Variants in RASIP1 observed in about 807,000 individuals in gnomAD.
RASIP1 encodes ras-interacting protein 1.
Under a neutral mutation model 85.3 loss-of-function variants are expected in RASIP1, and 20 were observed. The ratio of observed to expected loss-of-function variants is 0.23; its 90% CI spans 0.17 to 0.34. The LOEUF is 0.34. Among genes scored for constraint, RASIP1 ranks in the 10% least tolerant of loss-of-function variants. The pLI, the probability that RASIP1 is intolerant of heterozygous loss-of-function variation, is 1.00. For missense variants in RASIP1, 1,170 were observed against 1,390.9 expected, an observed-to-expected ratio of 0.84 and a Z score of 2.53; for synonymous variants, 617 against 647.1, an observed-to-expected ratio of 0.95 and a Z score of 0.71.
intron 6 of RASIP1, 64 bp from the exon 7 acceptor site, chr19:48,727,222 G>C: frequency 6.3e-7 from 1 of 1,597,702 alleles, no homozygotes; most frequent in Non-Finnish European, 8.6e-7. Flanking sequence ...CAAACCCCAA[G>C]ATCTAAGTCT....
chr19:48,724,280 C>T lies in RASIP1; in HGVS notation c.2544+57G>A. 1 of 1,553,510 alleles carries T rather than the reference C, an allele frequency of 6.4e-7. No individual in the cohort carries two copies. The highest frequency in any genetic ancestry group is 8.8e-7 in the Non-Finnish European group (1 of 1,138,532). On this transcript the variant is annotated intron_variant, in intron 10 of 11. Transcript: ENST00000222145. The surrounding 1 kb of genome is among the most constrained non-coding windows in gnomAD (Gnocchi z 4.6). The stretch of plus-strand genomic sequence containing the variant: ...ACGGTGAGCTGAATATAGAAGGTGG[C>T]TGAGGGGGGTTGAGGAGTCAGAGGT...
chr19:48,722,104 G>A, intron 10 of RASIP1, 103 bp from the exon 11 acceptor site: 2 of 1,174,752 alleles, frequency 1.7e-6, no homozygotes, highest in Non-Finnish European at 2.3e-6. Context: ...GGAAGATAAT[G>A]GCATCTCTGC....
At chr19:48,736,415 A>G (rs1394611656) in intron 3 of RASIP1, among the ~76,000 whole-genome samples, 1 of 152,078 alleles carries the variant, frequency 6.6e-6, no homozygotes, top group Non-Finnish European at 1.5e-5. Flanking sequence ...AAAACAAAAC[A>G]AAACAAAACA....
In RASIP1 at chr19:48,721,068, G is replaced by A. The variant is rs1402729745; in HGVS notation, c.2693-71C>T. Reference sequence around the variant, plus strand: ...AGGTAGTTGCATCGGGAAGAGCCGAGGCTGCGTCACACCCAAAGGAAGAAA... The same window carrying A: ...AGGTAGTTGCATCGGGAAGAGCCGAAGCTGCGTCACACCCAAAGGAAGAAA... On this transcript the variant is annotated intron_variant, in intron 11 of 11. Transcript: ENST00000222145. 35 of 1,324,812 alleles carry A rather than the reference G, an allele frequency of 2.6e-5. No homozygotes were observed. In the East Asian group the frequency reaches 7.7e-4, roughly 29 times the overall value. 82.1% of individuals were successfully genotyped at this position (1,324,812 alleles called of 1,614,324 possible).
rs71179038 is a variant in RASIP1 at position 48,722,300 on chromosome 19, ATTTTTTT to A, written c.2545-306_2545-300del. On this transcript the variant is annotated intron_variant, in intron 10 of 11. Transcript: ENST00000222145. Reference sequence around the variant, plus strand: ...TTGAATCTGGCGATGGTACTTGGGGATTTTTTTTTTTTTTTTTTTTTTTTGTCCTTAA... The same window carrying A: ...TTGAATCTGGCGATGGTACTTGGGGATTTTTTTTTTTTTTTTTGTCCTTAA... 3.5e-3 allele frequency among the ~76,000 whole-genome samples: 347 copies of A among 98,326 alleles called. 2 individuals are homozygous for A. The highest frequency in any genetic ancestry group is 0.013 in the African/African-American group (314 of 24,324). The allele number at this position is 98,326 out of a possible 152,430, so 64.5% of individuals were successfully genotyped here.
intron 8 of RASIP1, among the ~76,000 whole-genome samples, chr19:48,726,397 T>A (rs1362650760): frequency 6.6e-6 from 1 of 152,164 alleles, no homozygotes; most frequent in African/African-American, 2.4e-5. Context: ...TGGCTAATTT[T>A]GTATTTTTAG....
Position 48,729,445 on chromosome 19 carries a change from G to C in RASIP1, c.1325C>G (p.Ala442Gly), listed in dbSNP as rs766883574. Residue 442 changes from alanine (A) to glycine (G), a missense_variant, in exon 5 of 12, where the codon GCG (alanine) becomes GGG (glycine). Transcript: ENST00000222145. ...DILPRHCTVR[A>G]GPEHPAMVRP... ...CACCATGGCCGGGTGCTCAGGGCCC[G>C]CGCGCACTGTGCAGTGACGCGGCAG... 5.1e-6 allele frequency: 8 copies of C among 1,565,172 alleles called. No homozygotes were observed. The highest frequency in any genetic ancestry group is 1.7e-4 in the Middle Eastern group (1 of 6,014).
chr19:48,727,180 T>C, intron 6 of RASIP1, 22 bp from the exon 7 acceptor site: 1 of 1,612,748 alleles, frequency 6.2e-7, no homozygotes. Flanking sequence ...GGAAGGAATT[T>C]GTGATCCCTG....
chr19:48,734,034 G>A (rs1051547169), intron 4 of RASIP1, among the ~76,000 whole-genome samples: 1 of 152,036 alleles, frequency 6.6e-6, no homozygotes, highest in African/African-American at 2.4e-5. Context: ...AGTGGCTTAC[G>A]CCAGTAATCC....
In RASIP1 at chr19:48,724,747, C is replaced by T. The variant is rs758005264; in HGVS notation, c.2341G>A (p.Ala781Thr). The change falls in exon 9 of 12, where the codon GCA becomes ACA. Residue 781 changes from alanine (A) to threonine (T), a missense_variant. By Grantham distance (58) the Ala-to-Thr change is moderately conservative. This residue lies in a region of RASIP1 where 426 missense variants were observed against 576.2 expected (regional missense o/e 0.74). Coordinates refer to ENST00000222145, the MANE Select transcript of RASIP1 (RefSeq NM_017805.3). The surrounding 1 kb of genome is among the most constrained non-coding windows in gnomAD (Gnocchi z 4.6). The part of the protein sequence containing the change: ...TFGYLFFFSN[A>T]SLLNSLMERG... Reference sequence around the variant, plus strand: ...TCCATCAGCGAGTTGAGAAGGGATGCGTTGGAGAAGAAGAACAAGTAGCCA... The same window carrying T: ...TCCATCAGCGAGTTGAGAAGGGATGTGTTGGAGAAGAAGAACAAGTAGCCA... 2.5e-6 allele frequency: 4 copies of T among 1,614,134 alleles called. No homozygotes were observed. Among genetic ancestry groups the T allele is most frequent in the Admixed American group, 3.3e-5 (2 of 60,004 alleles).
Position 48,728,942 on chromosome 19 carries a change from C to T in RASIP1, c.1828G>A (p.Val610Ile). The change falls in exon 5 of 12, where the codon GTC (valine) becomes ATC (isoleucine). Residue 610 changes from valine (V) to isoleucine (I), a missense_variant. By Grantham distance (29) the Val-to-Ile change is conservative. This residue lies in a region of RASIP1 where 426 missense variants were observed against 576.2 expected (regional missense o/e 0.74). Transcript: ENST00000222145. Reference sequence around the variant, plus strand: ...GGCGATTGGGGGGCGCTCACCCAGACGGCCTCCTTGATGAGCCGGGCCAGG... The same window carrying T: ...GGCGATTGGGGGGCGCTCACCCAGATGGCCTCCTTGATGAGCCGGGCCAGG... ...GRLARLIKEA[V>I]WEKIKEIGDR... 6.9e-7 allele frequency: 1 copy of T among 1,447,528 alleles called. No homozygotes were observed. Among genetic ancestry groups the T allele is most frequent in the South Asian group, 1.4e-5 (1 of 73,336 alleles). The allele number at this position is 1,447,528 out of a possible 1,614,324, so 89.7% of individuals were successfully genotyped here. A position where few individuals can be genotyped will look rare whatever the true frequency, so the allele number is the denominator to read the frequency against.
Position 48,739,943 on chromosome 19 carries a change from G to A in RASIP1, c.137+203C>T, listed in dbSNP as rs567218080. On this transcript the variant is annotated intron_variant, in intron 2 of 11. Coordinates refer to ENST00000222145, the MANE Select transcript of RASIP1 (RefSeq NM_017805.3). The surrounding 1 kb of genome is among the most constrained non-coding windows in gnomAD (Gnocchi z 9.2). ...TCTGTCCCCGTCCCCGTGCCCATCC[G>A]GCCTCACTCCACCTCCTAGCCTAGC... Among the ~76,000 whole-genome samples, 39 of 152,220 alleles carry A rather than the reference G, an allele frequency of 2.6e-4. No individual in the cohort carries two copies. The highest frequency in any genetic ancestry group is 9.1e-4 in the African/African-American group (38 of 41,536).
At position 48,724,506 on chromosome 19, in the gene RASIP1, T is replaced by C; in HGVS notation, c.2375A>G (p.Gln792Arg). 1 of 1,613,768 alleles carries C rather than the reference T, an allele frequency of 6.2e-7. No homozygotes were observed. The highest frequency in any genetic ancestry group is 8.5e-7 in the Non-Finnish European group (1 of 1,179,784). Reference protein sequence around the residue: ...SLLNSLMERGQGRPFYQWSRA... With the variant: ...SLLNSLMERGRGRPFYQWSRA... ...GGACCATTGATAGAAAGGCCGGCCT[T>C]GACCTGTGGGTGTTAAAGGTATGAG... is the stretch of plus-strand genomic sequence containing the variant. Residue 792 changes from glutamine to arginine, a missense_variant, in exon 10 of 12, where the codon CAA (glutamine) becomes CGA (arginine). Gln to Arg is a conservative substitution (Grantham distance 43). Coordinates refer to ENST00000222145, the MANE Select transcript of RASIP1 (RefSeq NM_017805.3). The surrounding 1 kb of genome is among the most constrained non-coding windows in gnomAD (Gnocchi z 4.6).
At chr19:48,727,335 A>G (rs1568477437) in intron 6 of RASIP1, 58 bp downstream of exon 6, 2 of 1,586,914 alleles carry the variant, frequency 1.3e-6, no homozygotes, top group Admixed American at 1.7e-5. Flanking sequence ...ACACAGAACT[A>G]GACGCAAAAC....
chr19:48,724,560 C>G lies in RASIP1; in HGVS notation c.2372-51G>C. ...CAGTTGGTTGGCTGGACTCTGTGCT[C>G]CTGCCTCCCAGACTCTTCCTATCCT... On this transcript the variant is annotated intron_variant, in intron 9 of 11. Coordinates refer to ENST00000222145, the MANE Select transcript of RASIP1 (RefSeq NM_017805.3). The surrounding 1 kb of genome is among the most constrained non-coding windows in gnomAD (Gnocchi z 4.6). The G allele has an allele frequency of 6.3e-7, 1 of 1,590,150 alleles. No homozygotes were observed. Among genetic ancestry groups the G allele is most frequent in the African/African-American group, 1.3e-5 (1 of 74,604 alleles).
chr19:48,729,019 T>C lies in RASIP1; in HGVS notation c.1751A>G (p.Gln584Arg), dbSNP rs774281964. 2.8e-5 allele frequency: 41 copies of C among 1,439,494 alleles called. No individual in the cohort carries two copies. The highest frequency in any genetic ancestry group is 6.1e-5 in the Admixed American group (2 of 32,692). 89.2% of individuals were successfully genotyped at this position (1,439,494 alleles called of 1,614,324 possible). A position where few individuals can be genotyped will look rare whatever the true frequency, so the allele number is the denominator to read the frequency against. ...CAGCTCCAGCTCACGGGCGGAATGC[T>C]GCACGCACAGCGCCAGCAGCGTGGC... ...GPATLLALCVQHSARELELGH... is the reference protein window; with the variant it reads ...GPATLLALCVRHSARELELGH... Residue 584 changes from glutamine (Q) to arginine (R), a missense_variant, in exon 5 of 12, where the codon CAG becomes CGG. By Grantham distance (43) the Gln-to-Arg change is conservative (BLOSUM62 1). This residue lies in a region of RASIP1 where 426 missense variants were observed against 576.2 expected (regional missense o/e 0.74). Transcript: ENST00000222145.
intron 4 of RASIP1, among the ~76,000 whole-genome samples, chr19:48,733,865 T>C (rs1422088578): frequency 6.6e-6 from 1 of 151,752 alleles, no homozygotes; most frequent in Admixed American, 6.6e-5. Flanking sequence ...AACACAGGCT[T>C]ATCCAGAACG....
Position 48,729,354 on chromosome 19 carries a change from G to C in RASIP1, c.1416C>G (p.His472Gln), listed in dbSNP as rs1258951272. Residue 472 changes from histidine (H) to glutamine (Q), a missense_variant, in exon 5 of 12, where the codon CAC becomes CAG. His to Gln is a conservative substitution (Grantham distance 24). Transcript: ENST00000222145. ...GCLLLREAEL[H>Q]PGDLLGLGEH... ...CGCCCAGCCCCAGGAGGTCGCCCGG[G>C]TGCAGCTCAGCCTCCCGCAGCAGGA... 3.8e-6 allele frequency: 6 copies of C among 1,559,406 alleles called. No individual in the cohort carries two copies. The highest frequency in any genetic ancestry group is 2.7e-5 in the African/African-American group (2 of 73,650).
chr19:48,729,352 G>A lies in RASIP1; in HGVS notation c.1418C>T (p.Pro473Leu), dbSNP rs1332792888. Residue 473 changes from proline to leucine, a missense_variant, in exon 5 of 12, where the codon CCG (proline) becomes CTG (leucine). Physicochemically the swap from Pro to Leu is moderately conservative, Grantham distance 98. Coordinates refer to ENST00000222145, the MANE Select transcript of RASIP1 (RefSeq NM_017805.3). ...CLLLREAELH[P>L]GDLLGLGEHF... ...CTCGCCCAGCCCCAGGAGGTCGCCC[G>A]GGTGCAGCTCAGCCTCCCGCAGCAG... The A allele has an allele frequency of 6.4e-7, 1 of 1,559,842 alleles. No homozygotes were observed. The highest frequency in any genetic ancestry group is 8.7e-7 in the Non-Finnish European group (1 of 1,152,558).
Sources: allele counts gnomAD v4.1 joint callset (sites outside exome capture counted in the v4.1 genomes callset), GRCh38; gene constraint gnomAD v4.1.1; regional missense constraint gnomAD v4.1.1; non-coding constraint Gnocchi (gnomAD v3.1); transcripts MANE v1.5; gene names NCBI Gene and HGNC (gene_info 2026-07-23, HGNC 2026-07-21).